The following DTNBP1 variants were observed in gnomAD, a reference collection of about 807,000 sequenced individuals.
The protein encoded by DTNBP1 is dysbindin.
A neutral mutation model predicts 42.8 loss-of-function variants in DTNBP1; 35 were observed. The ratio of observed to expected loss-of-function variants is 0.82; its 90% confidence interval spans 0.63 to 1.09. DTNBP1 has a LOEUF of 1.09. DTNBP1 is among the 50% of genes least tolerant of loss of function. The pLI, the probability that DTNBP1 is intolerant of heterozygous loss-of-function variation, is 0.00. For missense variants in DTNBP1, 457 were observed against 424.2 expected (o/e 1.08, Z -0.68); for synonymous variants, 171 against 162.2 (o/e 1.05, Z -0.41).
intron 7 of DTNBP1, among the ~76,000 whole-genome samples, chr6:15,566,085 C>T (rs888140604): frequency 9.9e-5 from 15 of 152,000 alleles, no homozygotes; most frequent in Non-Finnish European, 1.9e-4. Flanking sequence ...GAGGCCGAGG[C>T]GGGCGGATCA....
chr6:15,556,519 T>C (rs1774532538), intron 7 of DTNBP1, among the ~76,000 whole-genome samples: 1 of 152,186 alleles, frequency 6.6e-6, no homozygotes, highest in African/African-American at 2.4e-5. Context: ...CTCTTTGCTG[T>C]TGGCTGTGGG....
intron 7 of DTNBP1, among the ~76,000 whole-genome samples, chr6:15,542,306 C>G (rs1442889091): frequency 1.3e-5 from 2 of 152,166 alleles, no homozygotes; most frequent in East Asian, 3.8e-4. Flanking sequence ...TACATAACCA[C>G]TAGAAGACAT....
intron 7 of DTNBP1, among the ~76,000 whole-genome samples, chr6:15,553,594 C>CTTTTTTTTTTTTTTTTTTTTTTTTTT (rs56173414): frequency 1.4e-5 from 1 of 72,952 alleles, no homozygotes. Flanking sequence ...GACAAGTGAG[C>CTTTTTTTTTTTTTTTTTTTTTTTTTT]TTTTTTTTTT....
At chr6:15,591,047 CTT>C (rs1265749541) in intron 7 of DTNBP1, among the ~76,000 whole-genome samples, 1 of 151,358 alleles carries the variant, frequency 6.6e-6, no homozygotes, top group African/African-American at 2.4e-5. Context: ...ACTTTTACAA[CTT>C]TTTTTCTTCA....
At chr6:15,532,084 G>C (rs945414656) in intron 8 of DTNBP1, among the ~76,000 whole-genome samples, 1 of 152,186 alleles carries the variant, frequency 6.6e-6, no homozygotes, top group African/African-American at 2.4e-5. Flanking sequence ...CTGAGATTTG[G>C]GGGGTGAGGG....
chr6:15,524,948 C>T (rs553149675), intron 8 of DTNBP1, among the ~76,000 whole-genome samples: 116 of 152,362 alleles, frequency 7.6e-4, no homozygotes, highest in Non-Finnish European at 1.3e-3. Context: ...TGAGTCCCGG[C>T]TGTTTTGAGT....
At position 15,662,886 on chromosome 6, in the gene DTNBP1, C is replaced by A. The variant is rs1761735533; in HGVS notation, c.-17G>T. The A allele has an allele frequency of 6.2e-7, 1 of 1,603,910 alleles. No individual in the cohort carries two copies. The highest frequency in any genetic ancestry group is 1.3e-5 in the African/African-American group (1 of 74,868). The stretch of plus-strand genomic sequence containing the variant: ...CTCCAGCATTGCCGCCGCCGCCGGT[C>A]TCCTCTCCTCAGGCCTCGGGCTGCT... On this transcript the variant is annotated 5_prime_UTR_variant, in exon 1 of 10. Coordinates refer to ENST00000344537, the MANE Select transcript of DTNBP1 (RefSeq NM_032122.5).
chr6:15,607,205 T>C (rs1758117439), intron 6 of DTNBP1, among the ~76,000 whole-genome samples: 1 of 152,030 alleles, frequency 6.6e-6, no homozygotes, highest in Non-Finnish European at 1.5e-5. Context: ...GAGACAGGGT[T>C]TCACCATGTT....
chr6:15,631,110 G>T (rs1215403879), intron 4 of DTNBP1, among the ~76,000 whole-genome samples: 1 of 152,236 alleles, frequency 6.6e-6, no homozygotes, highest in East Asian at 1.9e-4. Context: ...TGCTGGTAAA[G>T]CCCACCAAAG....
intron 4 of DTNBP1, among the ~76,000 whole-genome samples, chr6:15,631,554 A>C (rs931879024): frequency 6.6e-6 from 1 of 152,216 alleles, no homozygotes; most frequent in Non-Finnish European, 1.5e-5. Context: ...TATTTTATGA[A>C]TAATACCACA....
At chr6:15,639,332 C>T (rs1760205826) in intron 3 of DTNBP1, among the ~76,000 whole-genome samples, 2 of 152,152 alleles carry the variant, frequency 1.3e-5, no homozygotes, top group South Asian at 4.1e-4. Flanking sequence ...AAAAATAAAA[C>T]TTCTAAACTA....
intron 6 of DTNBP1, among the ~76,000 whole-genome samples, chr6:15,593,487 G>A (rs1210279790): frequency 2.0e-5 from 3 of 152,114 alleles, no homozygotes; most frequent in Non-Finnish European, 4.4e-5. Flanking sequence ...TTTTGAGATC[G>A]TTAGTTAAGA....
At chr6:15,538,394 G>A (rs1773367155) in intron 7 of DTNBP1, among the ~76,000 whole-genome samples, 1 of 152,166 alleles carries the variant, frequency 6.6e-6, no homozygotes, top group African/African-American at 2.4e-5. Flanking sequence ...CTAGGTGCCT[G>A]AACTCTGGCA....
chr6:15,556,892 T>C (rs993786296), intron 7 of DTNBP1, among the ~76,000 whole-genome samples: 2 of 152,204 alleles, frequency 1.3e-5, no homozygotes, highest in Non-Finnish European at 2.9e-5. Context: ...GGTCATTCCA[T>C]CCCACTTTGA....
chr6:15,589,687 A>G (rs1776216025), intron 7 of DTNBP1, among the ~76,000 whole-genome samples: 1 of 152,114 alleles, frequency 6.6e-6, no homozygotes. Flanking sequence ...TTTTCCCTAT[A>G]TTATCAGCCA....
chr6:15,593,848 A>T (rs987865130), intron 6 of DTNBP1, among the ~76,000 whole-genome samples: 2 of 152,224 alleles, frequency 1.3e-5, no homozygotes, highest in Admixed American at 1.3e-4. Context: ...CAGTTAAAAT[A>T]TGAGACATTT....
At chr6:15,607,794 T>G (rs1758163101) in intron 6 of DTNBP1, among the ~76,000 whole-genome samples, 1 of 152,200 alleles carries the variant, frequency 6.6e-6, no homozygotes, top group South Asian at 2.1e-4. Flanking sequence ...TAAAAAATGT[T>G]TAATTCAATT....
chr6:15,533,155 C>G (rs1581705307), intron 8 of DTNBP1, 85 bp downstream of exon 8: 1 of 1,590,688 alleles, frequency 6.3e-7, no homozygotes, highest in Non-Finnish European at 8.5e-7. Context: ...GGATTCTGCC[C>G]CATGCCCTGC....
Position 15,646,288 on chromosome 6 carries a change from T to C in DTNBP1, c.161+5025A>G, listed in dbSNP as rs988918115. 1.8e-4 allele frequency among the ~76,000 whole-genome samples: 27 copies of C among 146,498 alleles called. No homozygotes were observed. In the East Asian group the frequency reaches 2.6e-3, roughly 14 times the overall value. On this transcript the variant is annotated intron_variant, in intron 3 of 9. Transcript: ENST00000344537. ...ACACACACACACACACACACACACATATACAATACCTAGTATATATAACCA... is the reference window on the plus strand; with the variant it reads ...ACACACACACACACACACACACACACATACAATACCTAGTATATATAACCA...
Sources: allele counts gnomAD v4.1 joint callset (sites outside exome capture counted in the v4.1 genomes callset), GRCh38; gene constraint gnomAD v4.1.1; transcripts MANE v1.5; gene names NCBI Gene and HGNC (gene_info 2026-07-23, HGNC 2026-07-21).